WDR1: variants seen among roughly 807,000 people sequenced by gnomAD.
WDR1 encodes WD repeat domain 1.
In WDR1, 21 loss-of-function variants were observed where a neutral mutation model predicts 71.9. The ratio of observed to expected loss-of-function variants is 0.29; its 90% CI spans 0.21 to 0.42. The LOEUF (loss-of-function observed/expected upper bound fraction) is 0.42. Ranked by LOEUF, WDR1 falls within the 10% of genes least tolerant of loss-of-function variation. The pLI is 1.00. For synonymous variants in WDR1, 424 were observed against 347.4 expected (o/e 1.22, Z -2.45); for missense variants, 696 against 824.5 (o/e 0.84, Z 1.91).
At chr4:10,114,232 G>GT (rs1713570006) in intron 2 of WDR1, among the ~76,000 whole-genome samples, 1 of 152,194 alleles carries the variant, frequency 6.6e-6, no homozygotes, top group Admixed American at 6.5e-5. Context: ...GGGAAACAGG[G>GT]TAACCCCTGA....
chr4:10,097,963 C>A, intron 4 of WDR1, 72 bp from the exon 5 acceptor site: 1 of 1,429,584 alleles, frequency 7.0e-7, no homozygotes, highest in South Asian at 1.5e-5. Context: ...GGTAAGCAAT[C>A]TGATAGCTGA....
chr4:10,084,847 C>T (rs1046171453), intron 8 of WDR1, among the ~76,000 whole-genome samples: 7 of 152,246 alleles, frequency 4.6e-5, no homozygotes, highest in Admixed American at 1.3e-4. Context: ...GAGCACCTAA[C>T]GTGTGCAGAC....
chr4:10,081,729 T>TA, intron 10 of WDR1, among the ~76,000 whole-genome samples: 1 of 151,560 alleles, frequency 6.6e-6, no homozygotes, highest in Non-Finnish European at 1.5e-5. Flanking sequence ...TTATCTGTGG[T>TA]AAGCCCTCAT....
chr4:10,095,777 C>G (rs1203725890), intron 5 of WDR1, among the ~76,000 whole-genome samples: 1 of 152,224 alleles, frequency 6.6e-6, no homozygotes, highest in Admixed American at 6.5e-5. Context: ...ACGCAAGGGT[C>G]ACTGTCACCC....
chr4:10,083,671 G>A, intron 9 of WDR1: 1 of 471,700 alleles, frequency 2.1e-6, no homozygotes, highest in Non-Finnish European at 4.2e-6. Context: ...GAGGGCAGCA[G>A]AACAACGCAC....
chr4:10,105,817 G>C (rs943436153), intron 2 of WDR1, among the ~76,000 whole-genome samples: 1 of 152,202 alleles, frequency 6.6e-6, no homozygotes, highest in Admixed American at 6.5e-5. Flanking sequence ...AAAAGACACA[G>C]GAGCAATGTT....
chr4:10,086,752 AGG>A (rs1711598520), intron 8 of WDR1, among the ~76,000 whole-genome samples: 1 of 152,194 alleles, frequency 6.6e-6, no homozygotes, highest in Non-Finnish European at 1.5e-5. Context: ...GAGCCCGAGA[AGG>A]GCTGCTGGGA....
intron 2 of WDR1, 164 bp downstream of exon 2, chr4:10,115,949 G>T: frequency 2.2e-6 from 2 of 905,920 alleles, no homozygotes; most frequent in Non-Finnish European, 3.3e-6. Context: ...GTGAATCTGA[G>T]GCCGGCTTCC....
chr4:10,112,382 A>T (rs561253409), intron 2 of WDR1, among the ~76,000 whole-genome samples: 4 of 152,270 alleles, frequency 2.6e-5, no homozygotes, highest in African/African-American at 9.6e-5. Context: ...CAGTGTACAT[A>T]TGGTTCACTG....
At chr4:10,082,758 G>A (rs150136534) in intron 10 of WDR1, among the ~76,000 whole-genome samples, 1 of 152,344 alleles carries the variant, frequency 6.6e-6, no homozygotes, top group African/African-American at 2.4e-5. Flanking sequence ...CTGGAGAACA[G>A]GGCTGTGATC....
chr4:10,097,661 T>C (rs1160546156), intron 5 of WDR1, 50 bp downstream of exon 5: 2 of 1,570,860 alleles, frequency 1.3e-6, no homozygotes, highest in African/African-American at 1.3e-5. Flanking sequence ...CAGCCTCTGC[T>C]AGCCTCATGT....
At position 10,116,706 on chromosome 4, in the gene WDR1, TC is replaced by T; in HGVS notation, c.-41del. 2 of 1,338,296 alleles carry T rather than the reference TC, an allele frequency of 1.5e-6. No individual in the cohort carries two copies. The highest frequency in any genetic ancestry group is 3.2e-5 in the East Asian group (1 of 31,174). The allele number at this position is 1,338,296 out of a possible 1,614,324, so 82.9% of individuals were successfully genotyped here. A position where few individuals can be genotyped will look rare whatever the true frequency, so the allele number is the denominator to read the frequency against. On this transcript the variant is annotated 5_prime_UTR_variant, in exon 1 of 15. Coordinates refer to ENST00000499869, the MANE Select transcript of WDR1 (RefSeq NM_017491.5). ...TACCGCGCCGCGCTCGCCGAGAGCC[TC>T]CGGGGCCGGCCCGCGCTGCGAATTA...
intron 5 of WDR1, among the ~76,000 whole-genome samples, chr4:10,093,469 C>G (rs1011142789): frequency 6.6e-6 from 1 of 152,252 alleles, no homozygotes; most frequent in Non-Finnish European, 1.5e-5. Flanking sequence ...CTGCAAAGTG[C>G]CCTGGGGCAG....
chr4:10,104,983 C>T (rs1378954531), intron 2 of WDR1, among the ~76,000 whole-genome samples: 2 of 152,154 alleles, frequency 1.3e-5, no homozygotes, highest in African/African-American at 4.8e-5. Flanking sequence ...CCCCATCTCA[C>T]GAGACTGAGA....
chr4:10,088,553 AT>A (rs1711751373), intron 6 of WDR1, 110 bp downstream of exon 6: 1 of 1,157,364 alleles, frequency 8.6e-7, no homozygotes, highest in Non-Finnish European at 1.3e-6. Flanking sequence ...GGGGAGGGCG[AT>A]GTCTAAGTTC....
At chr4:10,116,000 C>A in intron 2 of WDR1, 113 bp downstream of exon 2, 6 of 1,424,964 alleles carry the variant, frequency 4.2e-6, no homozygotes, top group Non-Finnish European at 5.7e-6. Flanking sequence ...GGGCGTGGCG[C>A]CCTCACCCTC....
At chr4:10,115,550 G>A (rs921430431) in intron 2 of WDR1, among the ~76,000 whole-genome samples, 2 of 152,184 alleles carry the variant, frequency 1.3e-5, no homozygotes, top group Non-Finnish European at 2.9e-5. Context: ...ATTCCATTCA[G>A]CAAGGGCTCA....
intron 2 of WDR1, among the ~76,000 whole-genome samples, chr4:10,104,703 G>C (rs1349271509): frequency 1.3e-5 from 2 of 152,156 alleles, no homozygotes; most frequent in Non-Finnish European, 2.9e-5. Flanking sequence ...CAGTGAAACA[G>C]AAACACACAC....
chr4:10,084,670 C>T (rs1765142531), intron 8 of WDR1, 140 bp from the exon 9 acceptor site: 2 of 740,522 alleles, frequency 2.7e-6, no homozygotes, highest in Non-Finnish European at 2.3e-6. Flanking sequence ...GCTCTGAGGC[C>T]CCAGTAGCCC....
Sources: allele counts gnomAD v4.1 joint callset (sites outside exome capture counted in the v4.1 genomes callset), GRCh38; gene constraint gnomAD v4.1.1; transcripts MANE v1.5; gene names NCBI Gene and HGNC (gene_info 2026-07-23, HGNC 2026-07-21).